The following SMUG1 variants were observed in gnomAD, a reference collection of about 807,000 sequenced individuals.
SMUG1 encodes single-strand-selective monofunctional uracil-DNA glycosylase 1, also known as single-strand selective monofunctional uracil DNA glycosylase.
A neutral mutation model predicts 23.9 loss-of-function variants in SMUG1; 13 were observed. The observed-to-expected ratio is 0.54, with a 90% confidence interval of 0.35 to 0.86. The LOEUF (loss-of-function observed/expected upper bound fraction) is 0.86, where lower values mean the gene tolerates loss of function less well. Among genes scored for constraint, SMUG1 ranks in the 40% least tolerant of loss-of-function variants. SMUG1 has a pLI of 0.01. For synonymous variants in SMUG1, 133 were observed against 139.8 expected (o/e 0.95, Z 0.34); for missense variants, 313 against 339.5 (o/e 0.92, Z 0.61).
chr12:54,173,462 A>G lies in SMUG1; in HGVS notation c.399-1353T>C, dbSNP rs377390205. Among the ~76,000 whole-genome samples, 40 of 152,130 alleles carry G rather than the reference A, an allele frequency of 2.6e-4. No homozygotes were observed. The East Asian group carries it at 5.4e-3, about 21-fold the overall frequency. ...GCCGGGAGCGGGGCGGGCGCAGCAG[A>G]GCGGGCGCGGCGCCGGGAGCTGGCT... is the stretch of plus-strand genomic sequence containing the variant. On this transcript the variant is annotated intron_variant and NMD_transcript_variant, in intron 2 of 4. Coordinates refer to the SMUG1 transcript ENST00000509864.
At chr12:54,160,314 C>G (rs931660158), downstream of SMUG1, among the ~76,000 whole-genome samples, 38 of 152,222 alleles carry the variant, frequency 2.5e-4, no homozygotes, top group African/African-American at 8.0e-4. Flanking sequence ...GTGTGGTGGG[C>G]TAAGGGAGAG....
At chr12:54,169,510 TA>T (rs11289804) in intron 3 of SMUG1, among the ~76,000 whole-genome samples, 99,486 of 140,378 alleles carry the variant, frequency 0.71, 35,411 homozygotes, top group African/African-American at 0.86. Flanking sequence ...GGGTCAGGCT[TA>T]AAAAAAAAAA....
intron 2 of SMUG1, 95 bp downstream of exon 2, chr12:54,187,724 C>T (rs1036823368): frequency 6.6e-6 from 1 of 152,196 alleles, no homozygotes; most frequent in Admixed American, 6.5e-5. Context: ...TCTTGAGCAA[C>T]TCATTTAACT....
chr12:54,183,557 T>C (rs1941619290), intron 3 of SMUG1, 99 bp downstream of exon 3: 2 of 1,256,338 alleles, frequency 1.6e-6, no homozygotes, highest in Admixed American at 1.8e-5. Context: ...GACCTACACA[T>C]GTCTACAGCC....
chr12:54,175,613 G>A (rs116389089), downstream of SMUG1, among the ~76,000 whole-genome samples: 1,430 of 152,280 alleles, frequency 9.4e-3, 22 homozygotes, highest in African/African-American at 0.032. Context: ...AGACTCTGAG[G>A]GCTAATCACT....
chr12:54,171,325 T>C (rs1001491234), intron 3 of SMUG1, among the ~76,000 whole-genome samples: 7 of 151,374 alleles, frequency 4.6e-5, no homozygotes, highest in African/African-American at 1.7e-4. Context: ...CAGCTTTCAC[T>C]CTTTAGGGGA....
At position 54,182,204 on chromosome 12, in the gene SMUG1, T is replaced by G; in HGVS notation, c.705A>C (p.Glu235Asp). The change falls in exon 4 of 4, where the codon GAA becomes GAC. Residue 235 changes from glutamate (E) to aspartate (D), a missense_variant. By Grantham distance (45) the Glu-to-Asp change is conservative (BLOSUM62 2). Transcript: ENST00000682136. The part of the protein sequence containing the change: ...LAGLMPEVQV[E>D]GLLHPSPRNP... Reference sequence around the variant, plus strand: ...TACGGGGAGAGGGATGCAGGAGCCCTTCCACCTGGACCTCTGGCATCAGGC... The same window carrying G: ...TACGGGGAGAGGGATGCAGGAGCCCGTCCACCTGGACCTCTGGCATCAGGC... 6.2e-7 allele frequency: 1 copy of G among 1,611,832 alleles called. No homozygotes were observed.
At chr12:54,177,550 G>C (rs556629962), downstream of SMUG1, among the ~76,000 whole-genome samples, 46 of 152,046 alleles carry the variant, frequency 3.0e-4, 1 homozygote, top group East Asian at 9.7e-4. Context: ...CTACTGTATT[G>C]GTCTACAAAA....
At position 54,183,905 on chromosome 12, in the gene SMUG1, C is replaced by A; in HGVS notation, c.36G>T (p.Glu12Asp). ...PQAFLLGSIH[E>D]PAGALMEPQP... ...GGGGCTCCATGAGGGCACCTGCAGG[C>A]TCATGGATGGACCCCAGCAGGAAAG... Residue 12 changes from glutamate (E) to aspartate (D), a missense_variant, in exon 3 of 4, where the codon GAG becomes GAT. Coordinates refer to ENST00000682136, the MANE Select transcript of SMUG1 (RefSeq NM_001243787.2). The A allele has an allele frequency of 6.3e-7, 1 of 1,599,556 alleles. No individual in the cohort carries two copies. Among genetic ancestry groups the A allele is most frequent in the Non-Finnish European group, 8.5e-7 (1 of 1,172,966 alleles).
chr12:54,184,781 C>G (rs1160837676), intron 2 of SMUG1, among the ~76,000 whole-genome samples: 1 of 152,234 alleles, frequency 6.6e-6, no homozygotes, highest in Admixed American at 6.5e-5. Context: ...ACAGACTCCT[C>G]ATAGAATCTT....
At chr12:54,185,475 AATAAAAT>A (rs2136776755) in intron 2 of SMUG1, among the ~76,000 whole-genome samples, 1 of 86,038 alleles carries the variant, frequency 1.2e-5, no homozygotes, top group East Asian at 3.1e-4. Context: ...CTCAAAAAAA[AATAAAAT>A]AAAAAATAAA....
intron 2 of SMUG1, 173 bp from the exon 3 acceptor site, chr12:54,184,132 T>C: frequency 2.0e-6 from 1 of 490,910 alleles, no homozygotes; most frequent in Admixed American, 3.7e-5. Flanking sequence ...TTCTTGGTAA[T>C]GAAGGGCCCT....
chr12:54,179,454 G>A (rs116296876), downstream of SMUG1, among the ~76,000 whole-genome samples: 451 of 152,216 alleles, frequency 3.0e-3, 4 homozygotes, highest in African/African-American at 1.0e-2. Context: ...TGAAATGATG[G>A]CTTCTATCTC....
At chr12:54,187,741 T>G (rs1429413532) in intron 2 of SMUG1, 78 bp downstream of exon 2, 4 of 152,084 alleles carry the variant, frequency 2.6e-5, no homozygotes, top group Non-Finnish European at 5.9e-5. Context: ...AACTCTCTTC[T>G]CTATGGAAAA....
downstream of SMUG1, among the ~76,000 whole-genome samples, chr12:54,163,855 G>A (rs1369746536): frequency 5.3e-5 from 8 of 152,202 alleles, no homozygotes; most frequent in East Asian, 3.8e-4. Context: ...CAGATAAGGC[G>A]TTTAGTAAGT....
At chr12:54,185,922 AAGG>A (rs369966502) in intron 2 of SMUG1, among the ~76,000 whole-genome samples, 16 of 152,132 alleles carry the variant, frequency 1.1e-4, no homozygotes, top group African/African-American at 3.9e-4. Context: ...AGGTGGGAGG[AAGG>A]AGAAGGGAGG....
downstream of SMUG1, among the ~76,000 whole-genome samples, chr12:54,175,650 G>A (rs1231636666): frequency 6.6e-6 from 1 of 152,174 alleles, no homozygotes; most frequent in Non-Finnish European, 1.5e-5. Flanking sequence ...CCAGAGCGCT[G>A]TGTTTATAAC....
intron 3 of SMUG1, chr12:54,183,084 G>T: frequency 5.4e-6 from 1 of 184,668 alleles, no homozygotes; most frequent in Non-Finnish European, 1.1e-5. Flanking sequence ...ACCCAGTTGG[G>T]GTCAATAAAA....
At chr12:54,173,897 A>AAATACCAGACACACAAAGACACAAC (rs1940690882) in intron 2 of SMUG1, among the ~76,000 whole-genome samples, 1 of 152,016 alleles carries the variant, frequency 6.6e-6, no homozygotes, top group African/African-American at 2.4e-5. Context: ...GGCTACACAA[A>AAATACCAGACACACAAAGACACAAC]AATACCAGAC....
Sources: gnomAD v4.1 joint callset for allele counts (sites outside exome capture counted in the v4.1 genomes callset) on GRCh38, gnomAD v4.1.1 for gene constraint, MANE v1.5 for transcripts, NCBI Gene and HGNC (gene_info 2026-07-23, HGNC 2026-07-21) for gene names.